The following FBXO9 variants were observed in gnomAD, a reference collection of about 807,000 sequenced individuals.
FBXO9 encodes F-box protein 9, also known as F-box only protein 9.
Under a neutral mutation model 63.7 loss-of-function variants are expected in FBXO9, and 43 were observed. That is an observed-to-expected ratio of 0.67 (90% CI 0.53 to 0.87). FBXO9 has a LOEUF of 0.87. FBXO9 is among the 40% of genes least tolerant of loss of function. The pLI is 0.00. For synonymous variants in FBXO9, 156 were observed against 171.7 expected, an observed-to-expected ratio of 0.91 and a Z score of 0.72; for missense variants, 442 against 533.2, an observed-to-expected ratio of 0.83 and a Z score of 1.68.
intron 4 of FBXO9, among the ~76,000 whole-genome samples, chr6:53,076,762 T>G (rs1769125702): frequency 6.6e-6 from 1 of 150,742 alleles, no homozygotes; most frequent in African/African-American, 2.4e-5. Context: ...TATAACTTAC[T>G]TATTATGTAA....
At chr6:53,071,214 T>A (rs1768904167) in intron 2 of FBXO9, 71 bp downstream of exon 2, 2 of 1,411,076 alleles carry the variant, frequency 1.4e-6, no homozygotes, top group Non-Finnish European at 1.9e-6. Flanking sequence ...TTGATCATAA[T>A]CATGGGTATT....
rs763273944 is a variant in FBXO9, at chr6:53,095,701, T to C, written c.1205+37T>C. ...CAATAAAAATAACAAGGTTACACTATAAATGTATACTTCGTATCCAGCTTA... is the reference window on the plus strand; with the variant it reads ...CAATAAAAATAACAAGGTTACACTACAAATGTATACTTCGTATCCAGCTTA... On this transcript the variant is annotated intron_variant, in intron 12 of 12. Transcript: ENST00000323557. 3 of 1,539,966 alleles carry C rather than the reference T, an allele frequency of 1.9e-6. No individual in the cohort carries two copies. In the South Asian group the frequency reaches 3.6e-5, roughly 18 times the overall value.
At chr6:53,065,902 G>A in intron 1 of FBXO9, 110 bp downstream of exon 1, 2 of 1,214,488 alleles carry the variant, frequency 1.6e-6, no homozygotes, top group Non-Finnish European at 2.1e-6. Context: ...AGGAGTGGGA[G>A]CTTCACGGCT....
intron 7 of FBXO9, among the ~76,000 whole-genome samples, chr6:53,089,058 G>A (rs1762972645): frequency 1.3e-5 from 2 of 150,888 alleles, no homozygotes. Context: ...GCCCTAGTGG[G>A]GTTTTTTTTT....
chr6:53,097,924 GTGTATATATATATATA>G lies in FBXO9; in HGVS notation c.*96_*111del, dbSNP rs1163242706. 3 of 91,580 alleles carry G rather than the reference GTGTATATATATATATA, an allele frequency of 3.3e-5. No individual in the cohort carries two copies. The highest frequency in any genetic ancestry group is 5.7e-5 in the Non-Finnish European group (3 of 52,600). 5.7% of individuals were successfully genotyped at this position (91,580 alleles called of 1,614,324 possible). On this transcript the variant is annotated 3_prime_UTR_variant, in exon 13 of 13. Coordinates refer to ENST00000323557, the MANE Select transcript of FBXO9 (RefSeq NM_033480.3). The stretch of plus-strand genomic sequence containing the variant: ...TATAAATGTGTGTGTGTGCGTGTGT[GTGTATATATATATATA>G]TATATATATATATATATATATATAT...
chr6:53,093,837 A>T (rs983319596), intron 10 of FBXO9, 48 bp from the exon 11 acceptor site: 8 of 1,391,242 alleles, frequency 5.8e-6, no homozygotes, highest in Non-Finnish European at 6.9e-6. Context: ...AGATTACTTA[A>T]ATCCACTTAA....
intron 3 of FBXO9, among the ~76,000 whole-genome samples, chr6:53,075,969 C>T (rs1303725717): frequency 1.3e-5 from 2 of 151,894 alleles, no homozygotes; most frequent in African/African-American, 4.8e-5. Flanking sequence ...GTGTCGAACT[C>T]CTGGCCTCAG....
In FBXO9 at chr6:53,093,573, T is replaced by G. The variant is rs756149556; in HGVS notation, c.959+12T>G. The G allele has an allele frequency of 1.1e-5, 17 of 1,592,724 alleles. 1 individual carries two copies. The South Asian group carries it at 1.9e-4, about 18-fold the overall frequency. ...ACTAGGAATACCAGGTAGCATTTGT[T>G]TTTTAAATGGCTTTCCATCCAGTCT... On this transcript the variant is annotated intron_variant, in intron 10 of 12. Transcript: ENST00000323557.
In FBXO9 at chr6:53,093,470, A is replaced by G. The variant is rs374248852; in HGVS notation, c.868A>G (p.Ile290Val). 2.5e-6 allele frequency: 4 copies of G among 1,612,298 alleles called. No homozygotes were observed. Among genetic ancestry groups the G allele is most frequent in the African/African-American group, 2.7e-5 (2 of 75,004 alleles). Reference protein sequence around the residue: ...AWHQVEYYRYIRFFPDGHVMM... With the variant: ...AWHQVEYYRYVRFFPDGHVMM... ...CTTCCTTTTCTTATTACATAGGTAC[A>G]TAAGATTCTTTCCTGATGGCCATGT... The change falls in exon 10 of 13, where the codon ATA becomes GTA. Residue 290 changes from isoleucine (I) to valine (V), a missense_variant. This residue lies in a region of FBXO9 where 262 missense variants were observed against 362.1 expected (regional missense o/e 0.72). Transcript: ENST00000323557.
chr6:53,082,915 A>G (rs892735892), intron 7 of FBXO9, among the ~76,000 whole-genome samples: 4 of 152,234 alleles, frequency 2.6e-5, no homozygotes, highest in African/African-American at 9.6e-5. Flanking sequence ...TTAGAAAAAT[A>G]TATTCAAGTC....
intron 1 of FBXO9, chr6:53,067,772 T>C (rs1317931099): frequency 6.6e-6 from 1 of 152,210 alleles, no homozygotes; most frequent in East Asian, 1.9e-4. Flanking sequence ...TTCCTACTAA[T>C]GGTGTTCTTA....
At chr6:53,070,862 C>A in intron 1 of FBXO9, 195 bp from the exon 2 acceptor site, 1 of 813,014 alleles carries the variant, frequency 1.2e-6, no homozygotes, top group Non-Finnish European at 1.8e-6. Context: ...AGAGAATATG[C>A]TTTTCAGACT....
At chr6:53,088,889 C>G (rs144638250) in intron 7 of FBXO9, among the ~76,000 whole-genome samples, 1 of 150,950 alleles carries the variant, frequency 6.6e-6, no homozygotes, top group Non-Finnish European at 1.5e-5. Flanking sequence ...CGTGAGCCAC[C>G]GCACCTGGCC....
chr6:53,085,923 G>C (rs993856522), intron 7 of FBXO9, among the ~76,000 whole-genome samples: 2 of 152,168 alleles, frequency 1.3e-5, no homozygotes, highest in African/African-American at 2.4e-5. Context: ...GATGAGGCGG[G>C]TGGATTACCT....
intron 4 of FBXO9, among the ~76,000 whole-genome samples, chr6:53,076,989 T>C (rs1313451618): frequency 6.6e-6 from 1 of 152,178 alleles, no homozygotes. Flanking sequence ...GTTGGTAGGA[T>C]GAGCAAAATA....
chr6:53,093,704 T>A (rs1763116724), intron 10 of FBXO9, 143 bp downstream of exon 10: 1 of 854,018 alleles, frequency 1.2e-6, no homozygotes. Context: ...AAATACCAAT[T>A]TCTGGGCTTT....
chr6:53,081,479 G>T (rs1253454321), intron 6 of FBXO9, among the ~76,000 whole-genome samples: 1 of 152,114 alleles, frequency 6.6e-6, no homozygotes, highest in African/African-American at 2.4e-5. Context: ...CACCATGTTG[G>T]CCAGGCTGGT....
At chr6:53,085,920 C>A (rs574659737) in intron 7 of FBXO9, among the ~76,000 whole-genome samples, 1 of 151,978 alleles carries the variant, frequency 6.6e-6, no homozygotes, top group Non-Finnish European at 1.5e-5. Flanking sequence ...GAGGATGAGG[C>A]GGGTGGATTA....
chr6:53,069,698 G>A (rs1341156088), intron 1 of FBXO9, among the ~76,000 whole-genome samples: 1 of 152,148 alleles, frequency 6.6e-6, no homozygotes, highest in Non-Finnish European at 1.5e-5. Flanking sequence ...AGAAAAAAGA[G>A]TGAGGATTAC....
Sources: allele counts gnomAD v4.1 joint callset (sites outside exome capture counted in the v4.1 genomes callset), GRCh38; gene constraint gnomAD v4.1.1; regional missense constraint gnomAD v4.1.1; transcripts MANE v1.5; gene names NCBI Gene and HGNC (gene_info 2026-07-23, HGNC 2026-07-21).